VAC14: variants seen among roughly 807,000 people sequenced by gnomAD.
VAC14 encodes the protein protein VAC14 homolog.
Under a neutral mutation model 85.3 loss-of-function variants are expected in VAC14, and 47 were observed. That is an observed-to-expected ratio of 0.55 (90% CI 0.44 to 0.70). VAC14 has a LOEUF of 0.70. Ranked by LOEUF, VAC14 falls within the 30% of genes least tolerant of loss-of-function variation. The pLI is 0.00. For synonymous variants in VAC14, 447 were observed against 430.5 expected, an observed-to-expected ratio of 1.04 and a Z score of -0.47; for missense variants, 861 against 1,004.3, an observed-to-expected ratio of 0.86 and a Z score of 1.93.
rs976294110 is a variant in VAC14 at position 70,697,233 on chromosome 16, G to C, written c.1861C>G (p.Leu621Val). ...TLESQNLFCCLYRSWCHNPVT... is the reference protein window; with the variant it reads ...TLESQNLFCCVYRSWCHNPVT... ...GGGTTGTGGCACCAGGAGCGGTACA[G>C]GCAGCAGAACAGGTTCTGGCTCTCC... is the stretch of plus-strand genomic sequence containing the variant. The change falls in exon 16 of 19, where the codon CTG becomes GTG. Residue 621 changes from leucine (L) to valine (V), a missense_variant. Coordinates refer to ENST00000261776, the MANE Select transcript of VAC14 (RefSeq NM_018052.5). 6 of 1,613,838 alleles carry C rather than the reference G, an allele frequency of 3.7e-6. No individual in the cohort carries two copies. The African/African-American group carries it at 8.0e-5, about 22-fold the overall frequency.
At position 70,762,964 on chromosome 16, in the gene VAC14, G is replaced by A; in HGVS notation, c.1222C>T (p.Leu408Phe). The part of the protein sequence containing the change: ...DGIVQVLNCH[L>F]SDTAIGMMTR... ...ATCATCCCAATGGCCGTGTCACTGA[G>A]GTGGCAGTTTAGGACCTGCACGATC... Residue 408 changes from leucine (L) to phenylalanine (F), a missense_variant, in exon 11 of 19, where the codon CTC becomes TTC. This residue lies in a region of VAC14 where 629 missense variants were observed against 703.1 expected (regional missense o/e 0.89). Transcript: ENST00000261776. The surrounding 1 kb of genome is among the most constrained non-coding windows in gnomAD (Gnocchi z 4.1). 1.9e-6 allele frequency: 3 copies of A among 1,614,206 alleles called. No homozygotes were observed. Among genetic ancestry groups the A allele is most frequent in the Non-Finnish European group, 2.5e-6 (3 of 1,180,046 alleles).
At chr16:70,776,726 C>T (rs9936200) in intron 9 of VAC14, among the ~76,000 whole-genome samples, 11 of 151,628 alleles carry the variant, frequency 7.3e-5, no homozygotes, top group African/African-American at 2.4e-4. Context: ...CACCACACCA[C>T]CTTCAGTTTT....
Position 70,723,773 on chromosome 16 carries a change from C to T in VAC14, c.1661+7722G>A, listed in dbSNP as rs192080762. On this transcript the variant is annotated intron_variant, in intron 14 of 18. Transcript: ENST00000261776. ...TCTCAGGTGTGCAGACAACAAAGAACGTGCTTTTAGTGAAAGACTGGCAAG... is the reference window on the plus strand; with the variant it reads ...TCTCAGGTGTGCAGACAACAAAGAATGTGCTTTTAGTGAAAGACTGGCAAG... Among the ~76,000 whole-genome samples, 39 of 152,282 alleles carry T rather than the reference C, an allele frequency of 2.6e-4. 1 individual carries two copies. The highest frequency in any genetic ancestry group is 1.1e-3 in the Admixed American group (17 of 15,306).
chr16:70,727,782 G>A (rs141621037), intron 14 of VAC14, among the ~76,000 whole-genome samples: 163 of 152,392 alleles, frequency 1.1e-3, no homozygotes, highest in African/African-American at 3.6e-3. Flanking sequence ...GATGGAGGAA[G>A]CCACATGTTT....
At chr16:70,730,526 C>G (rs930709768) in intron 14 of VAC14, among the ~76,000 whole-genome samples, 8 of 151,954 alleles carry the variant, frequency 5.3e-5, no homozygotes, top group African/African-American at 1.5e-4. Context: ...TCCCCAAGCA[C>G]CCCAGACCAC....
chr16:70,782,883 C>T, intron 7 of VAC14, 150 bp downstream of exon 7: 1 of 739,602 alleles, frequency 1.4e-6, no homozygotes, highest in Admixed American at 2.7e-5. Context: ...CTCCACCTCT[C>T]CCAGGGCCCA....
chr16:70,745,140 T>C (rs1409315152), intron 12 of VAC14: 2 of 152,742 alleles, frequency 1.3e-5, no homozygotes, highest in Non-Finnish European at 2.9e-5. Flanking sequence ...GACTTCCTAA[T>C]GTCCAGACAT....
intron 1 of VAC14, among the ~76,000 whole-genome samples, chr16:70,798,222 A>G (rs1408255784): frequency 7.1e-6 from 1 of 140,364 alleles, no homozygotes; most frequent in Admixed American, 6.7e-5. Flanking sequence ...CTCAGGAAAT[A>G]GGGTATCTTA....
intron 9 of VAC14, among the ~76,000 whole-genome samples, chr16:70,773,829 A>G (rs947683661): frequency 6.6e-6 from 1 of 151,874 alleles, no homozygotes; most frequent in African/African-American, 2.4e-5. Context: ...TAGTGGCACA[A>G]CCTTGGCTCA....
intron 14 of VAC14, among the ~76,000 whole-genome samples, chr16:70,722,688 T>C (rs569628940): frequency 6.6e-6 from 1 of 152,260 alleles, no homozygotes; most frequent in South Asian, 2.1e-4. Context: ...CACCCACATT[T>C]GTCTGTCCTG....
At chr16:70,695,753 G>C in intron 16 of VAC14, 130 bp from the exon 17 acceptor site, 1 of 805,620 alleles carries the variant, frequency 1.2e-6, no homozygotes, top group Non-Finnish European at 2.0e-6. Context: ...AGGATTTGGC[G>C]CACAAAGGAC....
intron 14 of VAC14, chr16:70,699,706 G>A (rs907693879): frequency 2.6e-5 from 4 of 152,264 alleles, no homozygotes; most frequent in Non-Finnish European, 5.9e-5. Flanking sequence ...GCCCTTGGAG[G>A]CCTGGCCTGC....
At chr16:70,761,193 C>T in intron 12 of VAC14, 1 of 456,042 alleles carries the variant, frequency 2.2e-6, no homozygotes, top group Non-Finnish European at 4.4e-6. Context: ...AGGACAGCTG[C>T]CCGGGCCCCC....
intron 1 of VAC14, 39 bp from the exon 2 acceptor site, chr16:70,786,404 A>G: frequency 6.2e-7 from 1 of 1,601,996 alleles, no homozygotes. Flanking sequence ...GAATCAGGCT[A>G]CCTCTGCTGT....
intron 13 of VAC14, among the ~76,000 whole-genome samples, chr16:70,742,497 G>C (rs80198986): frequency 5.0e-4 from 76 of 152,348 alleles, no homozygotes; most frequent in African/African-American, 1.7e-3. Flanking sequence ...GAATGGACTC[G>C]TTTGCCGAGG....
At chr16:70,770,175 TG>T (rs1257990335) in intron 10 of VAC14, 1 of 152,266 alleles carries the variant, frequency 6.6e-6, no homozygotes, top group Non-Finnish European at 1.5e-5. Context: ...AGCGGGGGTC[TG>T]GCTCACACCA....
chr16:70,756,089 T>C (rs1325297458), intron 12 of VAC14: 1 of 456,608 alleles, frequency 2.2e-6, no homozygotes, highest in Admixed American at 2.3e-5. Flanking sequence ...AAGGATAAGG[T>C]AAGGGAGTAC....
chr16:70,735,730 G>A (rs913643848), intron 13 of VAC14, among the ~76,000 whole-genome samples: 2 of 152,262 alleles, frequency 1.3e-5, no homozygotes, highest in South Asian at 4.1e-4. Context: ...AGCCCTGAGT[G>A]AGAAGGCCAG....
At chr16:70,741,392 G>C (rs1461830691) in intron 13 of VAC14, among the ~76,000 whole-genome samples, 1 of 152,208 alleles carries the variant, frequency 6.6e-6, no homozygotes, top group Non-Finnish European at 1.5e-5. Flanking sequence ...AGCGGAGGTG[G>C]GGGGGCGGGG....
Sources: allele counts gnomAD v4.1 joint callset (sites outside exome capture counted in the v4.1 genomes callset), GRCh38; gene constraint gnomAD v4.1.1; regional missense constraint gnomAD v4.1.1; non-coding constraint Gnocchi (gnomAD v3.1); transcripts MANE v1.5; gene names NCBI Gene and HGNC (gene_info 2026-07-23, HGNC 2026-07-21).